The following DNAH6 variants were observed in gnomAD, a reference collection of about 807,000 sequenced individuals.
DNAH6 encodes the protein axonemal beta dynein heavy chain 6.
In DNAH6, 340 loss-of-function variants were observed where a neutral mutation model predicts 491.4. The ratio of observed to expected loss-of-function variants is 0.69; its 90% CI spans 0.63 to 0.76. The LOEUF is 0.76. DNAH6 is among the 30% of genes least tolerant of loss of function. DNAH6 has a pLI of 0.00. For synonymous variants in DNAH6, 1,603 were observed against 1,686.1 expected, an observed-to-expected ratio of 0.95 and a Z score of 1.21; for missense variants, 4,443 against 4,972.2, an observed-to-expected ratio of 0.89 and a Z score of 3.20.
chr2:84,668,330 G>T (rs771022917), intron 37 of DNAH6, among the ~76,000 whole-genome samples: 1 of 152,194 alleles, frequency 6.6e-6, no homozygotes, highest in African/African-American at 2.4e-5. Flanking sequence ...CATGTTTGTA[G>T]ATACACATAT....
intron 5 of DNAH6, 67 bp downstream of exon 5, chr2:84,544,567 C>A: frequency 1.1e-6 from 1 of 920,322 alleles, no homozygotes; most frequent in Non-Finnish European, 1.6e-6. Context: ...ATCTATTAAG[C>A]TGTTGGTATA....
intron 33 of DNAH6, among the ~76,000 whole-genome samples, chr2:84,650,090 T>C (rs1690293183): frequency 6.6e-6 from 1 of 152,206 alleles, no homozygotes; most frequent in African/African-American, 2.4e-5. Flanking sequence ...GTCTTCCATT[T>C]TTAGAAGTTG....
In DNAH6 at chr2:84,773,536, A is replaced by G. The variant is rs180896646; in HGVS notation, c.10704-7957A>G. Among the ~76,000 whole-genome samples, 75 of 152,168 alleles carry G rather than the reference A, an allele frequency of 4.9e-4. 1 individual carries two copies. The highest frequency in any genetic ancestry group is 4.5e-3 in the Admixed American group (69 of 15,292). Reference sequence around the variant, plus strand: ...TTGCTATTGTGAATACTGCAAGTGCATGTGTCTTCTTAGTAGAACAATTGA... The same window carrying G: ...TTGCTATTGTGAATACTGCAAGTGCGTGTGTCTTCTTAGTAGAACAATTGA... On this transcript the variant is annotated intron_variant, in intron 64 of 76. Coordinates refer to ENST00000389394, the MANE Select transcript of DNAH6 (RefSeq NM_001370.2).
the DNAH6 span, among the ~76,000 whole-genome samples, chr2:84,498,610 CAGTG>C: frequency 2.0e-5 from 3 of 152,132 alleles, no homozygotes; most frequent in Non-Finnish European, 4.4e-5. Context: ...TCTAAAGTGA[CAGTG>C]AGCAGAATTC....
chr2:84,792,553 A>C (rs1190987077), intron 68 of DNAH6, among the ~76,000 whole-genome samples: 1 of 152,178 alleles, frequency 6.6e-6, no homozygotes, highest in Non-Finnish European at 1.5e-5. Context: ...ACCTCAATAA[A>C]GGCGCGGGGG....
chr2:84,597,864 T>C (rs1183149405), intron 18 of DNAH6, among the ~76,000 whole-genome samples: 2 of 152,198 alleles, frequency 1.3e-5, no homozygotes, highest in East Asian at 3.9e-4. Context: ...CTTATGCCTG[T>C]AATCCCAATA....
At chr2:84,704,598 C>T (rs1696253232) in intron 51 of DNAH6, among the ~76,000 whole-genome samples, 1 of 152,068 alleles carries the variant, frequency 6.6e-6, no homozygotes, top group South Asian at 2.1e-4. Context: ...GAAAACAGTG[C>T]CTAAGCCCAG....
At chr2:84,813,861 T>C in intron 74 of DNAH6, 110 bp from the exon 75 acceptor site, 1 of 1,099,672 alleles carries the variant, frequency 9.1e-7, no homozygotes, top group Non-Finnish European at 1.3e-6. Flanking sequence ...GTCTTCTCTG[T>C]GGTGGGAAGG....
At chr2:84,670,213 C>A in intron 38 of DNAH6, 115 bp from the exon 39 acceptor site, 1 of 665,708 alleles carries the variant, frequency 1.5e-6, no homozygotes, top group Non-Finnish European at 2.5e-6. Flanking sequence ...ACATTTCAAT[C>A]TGGCTTTAAC....
chr2:84,665,755 C>T (rs1692055690), intron 37 of DNAH6, among the ~76,000 whole-genome samples: 1 of 152,164 alleles, frequency 6.6e-6, no homozygotes, highest in South Asian at 2.1e-4. Context: ...TTTTATAAAG[C>T]CAGCATCATC....
intron 37 of DNAH6, among the ~76,000 whole-genome samples, chr2:84,663,105 C>A (rs1691698289): frequency 6.6e-6 from 1 of 152,136 alleles, no homozygotes; most frequent in African/African-American, 2.4e-5. Context: ...TCATCAAAGA[C>A]CAAAGGTAGA....
chr2:84,701,303 G>A lies in DNAH6; in HGVS notation c.8025G>A (p.Leu2675=). The A allele has an allele frequency of 1.3e-6, 2 of 1,550,934 alleles. No individual in the cohort carries two copies. Among genetic ancestry groups the A allele is most frequent in the African/African-American group, 1.4e-5 (1 of 73,100 alleles). The change falls in exon 49 of 77, where the codon CTG becomes CTA. Residue 2675 remains leucine (L), a synonymous_variant. Coordinates refer to ENST00000389394, the MANE Select transcript of DNAH6 (RefSeq NM_001370.2). Reference sequence around the variant, plus strand: ...ACCTGGAGCTTATCAATCTTTACCTGTCTATGCTGTCTGAAAAAAGGAAGC... The same window carrying A: ...ACCTGGAGCTTATCAATCTTTACCTATCTATGCTGTCTGAAAAAAGGAAGC... ...TSYLELINLY[L]SMLSEKRKQI... is the part of the protein sequence containing the mutation.
intron 11 of DNAH6, among the ~76,000 whole-genome samples, chr2:84,564,554 A>G (rs1680984105): frequency 6.6e-6 from 1 of 152,094 alleles, no homozygotes; most frequent in African/African-American, 2.4e-5. Context: ...CCAAAACTTT[A>G]CTCAAGTCAT....
chr2:84,612,754 T>C (rs1484767980), intron 22 of DNAH6, among the ~76,000 whole-genome samples: 1 of 151,990 alleles, frequency 6.6e-6, no homozygotes, highest in East Asian at 1.9e-4. Flanking sequence ...GATCGATCAG[T>C]CCACCAGACA....
intron 57 of DNAH6, among the ~76,000 whole-genome samples, chr2:84,713,862 G>C (rs1248210055): frequency 6.6e-6 from 1 of 152,158 alleles, no homozygotes; most frequent in Admixed American, 6.5e-5. Flanking sequence ...GGTGGTGGGG[G>C]TATCTTGTCC....
the DNAH6 span, among the ~76,000 whole-genome samples, chr2:84,467,270 CCTT>C: frequency 6.6e-6 from 1 of 152,030 alleles, no homozygotes; most frequent in Non-Finnish European, 1.5e-5. Flanking sequence ...CATTCCCATG[CCTT>C]CTTACAATCT....
chr2:84,508,253 T>C, the DNAH6 span, among the ~76,000 whole-genome samples: 136 of 152,370 alleles, frequency 8.9e-4, no homozygotes, highest in Non-Finnish European at 1.7e-3. Flanking sequence ...GATCCTGTTA[T>C]TGGTCTATTC....
chr2:84,491,967 G>T, the DNAH6 span, among the ~76,000 whole-genome samples: 1 of 152,146 alleles, frequency 6.6e-6, no homozygotes, highest in South Asian at 2.1e-4. Flanking sequence ...CGTTGCGCCG[G>T]TCAGATTCCG....
intron 54 of DNAH6, 126 bp from the exon 55 acceptor site, chr2:84,709,217 A>T: frequency 1.1e-6 from 1 of 931,150 alleles, no homozygotes; most frequent in East Asian, 2.6e-5. Context: ...ATGCAAGCAC[A>T]TCTGTGGAGA....
Sources: gnomAD v4.1 joint callset for allele counts (sites outside exome capture counted in the v4.1 genomes callset) on GRCh38, gnomAD v4.1.1 for gene constraint, MANE v1.5 for transcripts, NCBI Gene and HGNC (gene_info 2026-07-23, HGNC 2026-07-21) for gene names.